Variants in TNFRSF10B observed in about 807,000 individuals in gnomAD.
TNFRSF10B encodes the protein tumor necrosis factor receptor superfamily member 10B.
A neutral mutation model predicts 41.4 loss-of-function variants in TNFRSF10B; 35 were observed. The ratio of observed to expected loss-of-function variants is 0.85; its 90% CI spans 0.65 to 1.12. The LOEUF is 1.12. Ranked by LOEUF, TNFRSF10B falls within the 50% of genes most tolerant of loss-of-function variation. The pLI is 0.00. For missense variants in TNFRSF10B, 584 were observed against 552.7 expected (o/e 1.06, Z -0.57); for synonymous variants, 230 against 215.5 (o/e 1.07, Z -0.59).
chr8:23,023,062 C>A, intron 8 of TNFRSF10B, 78 bp from the exon 9 acceptor site: 1 of 1,554,882 alleles, frequency 6.4e-7, no homozygotes, highest in East Asian at 2.3e-5. Flanking sequence ...AGGCCCAGAA[C>A]CCAAGGCGGG....
At chr8:23,032,754 G>A (rs1811917871) in intron 2 of TNFRSF10B, among the ~76,000 whole-genome samples, 1 of 152,142 alleles carries the variant, frequency 6.6e-6, no homozygotes, top group Admixed American at 6.6e-5. Context: ...AGGAAATTAA[G>A]AAAACAATTT....
intron 7 of TNFRSF10B, among the ~76,000 whole-genome samples, chr8:23,025,894 G>A (rs1811689160): frequency 6.6e-6 from 1 of 152,142 alleles, no homozygotes; most frequent in African/African-American, 2.4e-5. Context: ...TAGGCAACAT[G>A]ACCAAACCTC....
intron 2 of TNFRSF10B, among the ~76,000 whole-genome samples, chr8:23,042,532 G>A (rs760715209): frequency 3.9e-5 from 6 of 152,082 alleles, no homozygotes; most frequent in Admixed American, 1.3e-4. Context: ...CCAGGGGAGC[G>A]CCTCACACTC....
At chr8:23,051,682 C>G (rs1390164714) in intron 1 of TNFRSF10B, among the ~76,000 whole-genome samples, 2 of 151,948 alleles carry the variant, frequency 1.3e-5, no homozygotes, top group Non-Finnish European at 2.9e-5. Context: ...GTAGCTGGGA[C>G]TACAGTCGCC....
intron 1 of TNFRSF10B, among the ~76,000 whole-genome samples, chr8:23,067,622 T>C (rs779120530): frequency 2.0e-4 from 30 of 152,110 alleles, no homozygotes; most frequent in Non-Finnish European, 3.2e-4. Context: ...CCCTGTACAC[T>C]CTCCTCACTA....
chr8:23,028,747 T>A, intron 4 of TNFRSF10B, 145 bp from the exon 5 acceptor site: 1 of 1,011,742 alleles, frequency 9.9e-7, no homozygotes, highest in Non-Finnish European at 1.5e-6. Flanking sequence ...TGGGTCCCCC[T>A]GTGCTCCCTT....
intron 1 of TNFRSF10B, among the ~76,000 whole-genome samples, chr8:23,051,547 C>CTT (rs57467929): frequency 6.4e-5 from 9 of 141,238 alleles, no homozygotes; most frequent in African/African-American, 2.2e-4. Context: ...GTAAAATACT[C>CTT]TTTTTTTTTT....
chr8:23,034,174 G>A (rs1476306168), intron 2 of TNFRSF10B, among the ~76,000 whole-genome samples: 1 of 152,198 alleles, frequency 6.6e-6, no homozygotes, highest in African/African-American at 2.4e-5. Context: ...AAGTACAGGA[G>A]CACAGTGTTT....
intron 1 of TNFRSF10B, among the ~76,000 whole-genome samples, chr8:23,058,471 C>A (rs1021249708): frequency 8.7e-5 from 13 of 149,754 alleles, no homozygotes; most frequent in African/African-American, 4.9e-5. Flanking sequence ...TTTTAGAATC[C>A]CATTTTAATT....
intron 2 of TNFRSF10B, among the ~76,000 whole-genome samples, chr8:23,032,297 A>T (rs571167616): frequency 2.3e-4 from 35 of 152,328 alleles, no homozygotes; most frequent in Non-Finnish European, 4.3e-4. Context: ...ATACACCAGG[A>T]GCAGAAGTCA....
At chr8:23,052,568 G>T (rs1320935664) in intron 1 of TNFRSF10B, among the ~76,000 whole-genome samples, 1 of 151,844 alleles carries the variant, frequency 6.6e-6, no homozygotes, top group Non-Finnish European at 1.5e-5. Context: ...TTACACGCGT[G>T]AGCCACCACG....
At chr8:23,032,528 G>A (rs1037327104) in intron 2 of TNFRSF10B, among the ~76,000 whole-genome samples, 1 of 126,572 alleles carries the variant, frequency 7.9e-6, no homozygotes, top group African/African-American at 3.2e-5. Context: ...AATTCCATAC[G>A]ACTTTGAATA....
chr8:23,057,208 G>A (rs370308541), intron 1 of TNFRSF10B, among the ~76,000 whole-genome samples: 7 of 150,812 alleles, frequency 4.6e-5, no homozygotes, highest in Admixed American at 1.3e-4. Flanking sequence ...CACCATGCCC[G>A]GCTCATTTTT....
chr8:23,040,314 TAA>T (rs375733000), intron 2 of TNFRSF10B, among the ~76,000 whole-genome samples: 1 of 32,564 alleles, frequency 3.1e-5, no homozygotes, highest in Non-Finnish European at 1.2e-4. Context: ...ATATATTTAA[TAA>T]ATATATATAC....
In TNFRSF10B at chr8:23,063,304, C is replaced by T. The variant is rs548351092; in HGVS notation, c.144+5447G>A. On this transcript the variant is annotated intron_variant, in intron 1 of 8. Coordinates refer to ENST00000276431, the MANE Select transcript of TNFRSF10B (RefSeq NM_003842.5). ...CAGAGGTTGCAGTGAGCCGAGATTG[C>T]GCCATTGCACTCCAGCCTGGGCAGC... 8.0e-5 allele frequency among the ~76,000 whole-genome samples: 12 copies of T among 150,584 alleles called. 1 individual carries two copies. Among genetic ancestry groups the T allele is most frequent in the South Asian group, 6.3e-4 (3 of 4,762 alleles).
At chr8:23,050,440 C>CA (rs1446964861) in intron 1 of TNFRSF10B, among the ~76,000 whole-genome samples, 1 of 152,098 alleles carries the variant, frequency 6.6e-6, no homozygotes, top group Non-Finnish European at 1.5e-5. Flanking sequence ...AGCTAACATC[C>CA]AAAATGTGTA....
At chr8:23,041,084 G>A (rs1395651373) in intron 2 of TNFRSF10B, among the ~76,000 whole-genome samples, 1 of 147,970 alleles carries the variant, frequency 6.8e-6, no homozygotes, top group African/African-American at 2.5e-5. Context: ...TTTGAGACAG[G>A]GTCTCACTCT....
chr8:23,030,937 G>A (rs1242742375), intron 2 of TNFRSF10B, 65 bp from the exon 3 acceptor site: 4 of 1,157,496 alleles, frequency 3.5e-6, no homozygotes, highest in Middle Eastern at 2.8e-4. Context: ...GGCAGTGGTG[G>A]CTGGGGGACT....
chr8:23,057,427 T>TG (rs1198025673), intron 1 of TNFRSF10B, among the ~76,000 whole-genome samples: 1 of 145,714 alleles, frequency 6.9e-6, no homozygotes, highest in African/African-American at 2.5e-5. Context: ...CTGAATTCTG[T>TG]AATTTTTTTT....
Sources: gnomAD v4.1 joint callset for allele counts (sites outside exome capture counted in the v4.1 genomes callset) on GRCh38, gnomAD v4.1.1 for gene constraint, MANE v1.5 for transcripts, NCBI Gene and HGNC (gene_info 2026-07-23, HGNC 2026-07-21) for gene names.